Variants in SEMA6D observed in about 807,000 individuals in gnomAD.
SEMA6D encodes the protein semaphorin-6D.
A neutral mutation model predicts 106.6 loss-of-function variants in SEMA6D; 35 were observed. The ratio of observed to expected loss-of-function variants is 0.33; its 90% CI spans 0.25 to 0.44. The LOEUF (loss-of-function observed/expected upper bound fraction) is 0.44. Ranked by LOEUF, SEMA6D falls within the 20% of genes least tolerant of loss-of-function variation. The pLI is 1.00. For synonymous variants in SEMA6D, 499 were observed against 487.7 expected, an observed-to-expected ratio of 1.02 and a Z score of -0.31; for missense variants, 1,185 against 1,345.9, an observed-to-expected ratio of 0.88 and a Z score of 1.87.
At chr15:47,649,664 G>A (rs1195881036) in intron 4 of SEMA6D, among the ~76,000 whole-genome samples, 17 of 152,154 alleles carry the variant, frequency 1.1e-4, no homozygotes, top group African/African-American at 4.1e-4. Flanking sequence ...AAAGAGAGGG[G>A]AGGAGAGAGA....
chr15:47,271,207 G>T (rs983101613), intron 1 of SEMA6D, among the ~76,000 whole-genome samples: 6 of 152,194 alleles, frequency 3.9e-5, no homozygotes, highest in Admixed American at 1.3e-4. Flanking sequence ...TTAAGCAGAT[G>T]ATTTTATTTA....
intron 4 of SEMA6D, among the ~76,000 whole-genome samples, chr15:47,661,379 C>G (rs2077915187): frequency 6.6e-6 from 1 of 152,182 alleles, no homozygotes; most frequent in Non-Finnish European, 1.5e-5. Flanking sequence ...GTTAAGATTT[C>G]TGAAATATAT....
chr15:47,641,725 C>T (rs1037473146), intron 4 of SEMA6D, among the ~76,000 whole-genome samples: 24 of 152,166 alleles, frequency 1.6e-4, no homozygotes, highest in African/African-American at 4.3e-4. Flanking sequence ...CTTGCCCTTC[C>T]GCCTCACTGA....
chr15:47,593,173 G>C (rs1328367748), intron 3 of SEMA6D, among the ~76,000 whole-genome samples: 1 of 152,028 alleles, frequency 6.6e-6, no homozygotes, highest in Non-Finnish European at 1.5e-5. Flanking sequence ...GGGAAGCCGA[G>C]GCGGGCGGAT....
At chr15:47,695,611 G>A (rs1357301631) in intron 4 of SEMA6D, among the ~76,000 whole-genome samples, 1 of 152,092 alleles carries the variant, frequency 6.6e-6, no homozygotes, top group Non-Finnish European at 1.5e-5. Context: ...ATCATCTGAT[G>A]TCTGCCCTTT....
At chr15:47,433,661 T>C (rs1259169347) in intron 2 of SEMA6D, among the ~76,000 whole-genome samples, 2 of 152,108 alleles carry the variant, frequency 1.3e-5, no homozygotes, top group East Asian at 3.9e-4. Context: ...GAGTTTTAGT[T>C]GAGGTTAGTG....
intron 4 of SEMA6D, among the ~76,000 whole-genome samples, chr15:47,645,994 A>G (rs944650270): frequency 1.3e-5 from 2 of 152,198 alleles, no homozygotes; most frequent in African/African-American, 2.4e-5. Flanking sequence ...GAACTTCTGC[A>G]TGCTCAGCTA....
chr15:47,215,569 G>A lies in SEMA6D; in HGVS notation c.-239+31151G>A, dbSNP rs76961698. ...AGATGTATTAATTCTGTTAATACAG[G>A]AATTCATTCATAGCTACATCTGATA... On this transcript the variant is annotated intron_variant, in intron 1 of 19. Coordinates refer to the SEMA6D transcript ENST00000558014. Among the ~76,000 whole-genome samples, 85 of 152,078 alleles carry A rather than the reference G, an allele frequency of 5.6e-4. 2 individuals are homozygous for A. In the East Asian group the frequency reaches 0.014, roughly 25 times the overall value.
chr15:47,716,249 A>G (rs148019373), upstream of SEMA6D, among the ~76,000 whole-genome samples: 85 of 152,288 alleles, frequency 5.6e-4, no homozygotes, highest in African/African-American at 2.0e-3. Context: ...CTTGGGTTAC[A>G]CAGTGTTAAC....
At chr15:47,525,307 G>A (rs1011391317) in intron 3 of SEMA6D, 2 of 152,198 alleles carry the variant, frequency 1.3e-5, no homozygotes, top group Non-Finnish European at 2.9e-5. Context: ...ACATAGCTAT[G>A]CTTCTCACCT....
At chr15:47,270,970 G>A (rs1352014696) in intron 1 of SEMA6D, among the ~76,000 whole-genome samples, 4 of 152,072 alleles carry the variant, frequency 2.6e-5, no homozygotes, top group Non-Finnish European at 5.9e-5. Context: ...ATATAACAAA[G>A]TAAGTTACAG....
intron 3 of SEMA6D, among the ~76,000 whole-genome samples, chr15:47,514,562 TCTC>T (rs1482045590): frequency 2.6e-5 from 4 of 152,302 alleles, no homozygotes; most frequent in African/African-American, 4.8e-5. Context: ...TTTTGATTCT[TCTC>T]CTTCTATGAC....
At chr15:47,328,178 A>G (rs1345313163) in intron 1 of SEMA6D, among the ~76,000 whole-genome samples, 1 of 152,210 alleles carries the variant, frequency 6.6e-6, no homozygotes, top group Non-Finnish European at 1.5e-5. Context: ...TTAAATTTCT[A>G]TTCAAAATAC....
At chr15:47,578,783 T>C (rs1399354738) in intron 3 of SEMA6D, among the ~76,000 whole-genome samples, 2 of 152,136 alleles carry the variant, frequency 1.3e-5, no homozygotes, top group Non-Finnish European at 2.9e-5. Flanking sequence ...TTTCAGCCAT[T>C]TGATATAACT....
chr15:47,484,555 C>T (rs1392944914), intron 3 of SEMA6D, among the ~76,000 whole-genome samples: 1 of 152,074 alleles, frequency 6.6e-6, no homozygotes, highest in Non-Finnish European at 1.5e-5. Flanking sequence ...TATTTTATTT[C>T]CAATATTGTT....
At chr15:47,283,460 A>C (rs961740565) in intron 1 of SEMA6D, among the ~76,000 whole-genome samples, 5 of 152,170 alleles carry the variant, frequency 3.3e-5, no homozygotes, top group Non-Finnish European at 7.3e-5. Flanking sequence ...CTTACAGCTT[A>C]CATCTGTCTC....
intron 1 of SEMA6D, among the ~76,000 whole-genome samples, chr15:47,753,433 G>T (rs1036327342): frequency 2.0e-5 from 3 of 152,158 alleles, no homozygotes; most frequent in African/African-American, 7.2e-5. Context: ...AGAGGATGGG[G>T]CAGTCAGGAG....
intron 4 of SEMA6D, among the ~76,000 whole-genome samples, chr15:47,628,872 A>G: frequency 6.6e-6 from 1 of 152,074 alleles, no homozygotes; most frequent in East Asian, 1.9e-4. Flanking sequence ...GTAGTTTCAC[A>G]TGTAAGTCTG....
intron 3 of SEMA6D, among the ~76,000 whole-genome samples, chr15:47,564,844 A>G (rs1444071771): frequency 6.6e-6 from 1 of 152,200 alleles, no homozygotes; most frequent in African/African-American, 2.4e-5. Flanking sequence ...GCAGAGAGGA[A>G]GAAGAATCTA....
Sources: allele counts gnomAD v4.1 joint callset (sites outside exome capture counted in the v4.1 genomes callset), GRCh38; gene constraint gnomAD v4.1.1; transcripts MANE v1.5; gene names NCBI Gene and HGNC (gene_info 2026-07-23, HGNC 2026-07-21).